The following LMF1 variants were observed in gnomAD, a reference collection of about 807,000 sequenced individuals.
The protein encoded by LMF1 is lipase maturation factor 1.
LMF1 carries 68 observed loss-of-function variants against 60.6 expected under a neutral mutation model. The ratio of observed to expected loss-of-function variants is 1.12; its 90% CI spans 0.92 to 1.37. The LOEUF (loss-of-function observed/expected upper bound fraction) is 1.37. Ranked by LOEUF, LMF1 falls within the 40% of genes most tolerant of loss-of-function variation. The probability of loss-of-function intolerance (pLI) is 0.00; values close to 1 mark genes in which losing one functional copy is unlikely to be tolerated. For synonymous variants in LMF1, 418 were observed against 324.7 expected, an observed-to-expected ratio of 1.29 and a Z score of -3.09; for missense variants, 948 against 767.2, an observed-to-expected ratio of 1.24 and a Z score of -2.78.
chr16:953,973 ATG>A lies in LMF1; in HGVS notation c.503+382_503+383del, dbSNP rs2072583965. 5.5e-5 allele frequency among the ~76,000 whole-genome samples: 2 copies of A among 36,088 alleles called. 1 individual carries two copies. The highest frequency in any genetic ancestry group is 2.0e-4 in the African/African-American group (2 of 10,248). The allele number at this position is 36,088 out of a possible 152,430, so 23.7% of individuals were successfully genotyped here. On this transcript the variant is annotated intron_variant, in intron 2 of 10. Transcript: ENST00000262301. ...CACCCACCCCAAACCAGCCTCCTAC[ATG>A]TCCACACAGACACCCCAAACCAGCC...
At chr16:943,030 A>G (rs1454941839) in intron 2 of LMF1, among the ~76,000 whole-genome samples, 1 of 152,228 alleles carries the variant, frequency 6.6e-6, no homozygotes, top group African/African-American at 2.4e-5. Context: ...TTCAGTACAG[A>G]TACTGTACTT....
In LMF1 at chr16:878,956, A is replaced by G. The variant is rs2070078592; in HGVS notation, c.897+614T>C. Among the ~76,000 whole-genome samples, 1 of 152,150 alleles carries G rather than the reference A, an allele frequency of 6.6e-6. No homozygotes were observed. The highest frequency in any genetic ancestry group is 1.9e-4 in the East Asian group (1 of 5,184). ...TCGGAATGTAGCGTTTACAGGGAAA[A>G]GCAAAGGCTCGGGACTGGCCCAGCC... On this transcript the variant is annotated intron_variant, in intron 6 of 10. Coordinates refer to ENST00000262301, the MANE Select transcript of LMF1 (RefSeq NM_022773.4). This position sits in a 1 kb window ranked among gnomAD's most constrained non-coding sequence, Gnocchi z 5.2.
At chr16:938,351 G>A (rs1421653178) in intron 2 of LMF1, among the ~76,000 whole-genome samples, 2 of 150,790 alleles carry the variant, frequency 1.3e-5, no homozygotes, top group Non-Finnish European at 3.0e-5. Context: ...CAGGGACGGG[G>A]CTGGACGGCG....
At chr16:908,692 C>T (rs930127164) in intron 4 of LMF1, among the ~76,000 whole-genome samples, 10 of 152,342 alleles carry the variant, frequency 6.6e-5, no homozygotes, top group South Asian at 2.1e-4. Context: ...CTGCAGCATG[C>T]GGGAGCGGCT....
At chr16:944,872 G>C (rs951439847) in intron 2 of LMF1, among the ~76,000 whole-genome samples, 1 of 152,042 alleles carries the variant, frequency 6.6e-6, no homozygotes, top group African/African-American at 2.4e-5. Context: ...TGATGATTAT[G>C]GGATGTACTC....
chr16:897,841 T>A lies in LMF1; in HGVS notation c.664-4769A>T, dbSNP rs1567203294. 6.6e-6 allele frequency among the ~76,000 whole-genome samples: 1 copy of A among 152,186 alleles called. No individual in the cohort carries two copies. Among genetic ancestry groups the A allele is most frequent in the African/African-American group, 2.4e-5 (1 of 41,446 alleles). On this transcript the variant is annotated intron_variant, in intron 4 of 10. Transcript: ENST00000262301. The surrounding 1 kb of genome is among the most constrained non-coding windows in gnomAD (Gnocchi z 4.3). ...CCGTGGCTTTCCTGTCTTCCTGGGA[T>A]GGTTTCCGCACTTTCTTGCCCTCAT...
At chr16:928,087 C>T (rs767851449) in intron 3 of LMF1, among the ~76,000 whole-genome samples, 2 of 152,228 alleles carry the variant, frequency 1.3e-5, no homozygotes, top group South Asian at 2.1e-4. Flanking sequence ...ACCTGGGCCG[C>T]GGCCCCACAC....
At chr16:970,111 A>C (rs2073009803) in intron 1 of LMF1, among the ~76,000 whole-genome samples, 1 of 152,216 alleles carries the variant, frequency 6.6e-6, no homozygotes, top group African/African-American at 2.4e-5. Flanking sequence ...AGCTGCCCCC[A>C]GACCTCCGCT....
chr16:929,084 G>T (rs1241541872), intron 3 of LMF1, among the ~76,000 whole-genome samples: 1 of 152,092 alleles, frequency 6.6e-6, no homozygotes, highest in Non-Finnish European at 1.5e-5. Context: ...TCCTTCCCCT[G>T]GTCACATCTC....
At chr16:891,167 C>A (rs545514300) in intron 5 of LMF1, among the ~76,000 whole-genome samples, 11 of 152,154 alleles carry the variant, frequency 7.2e-5, no homozygotes, top group Non-Finnish European at 1.5e-4. Context: ...AGCTGTGGGC[C>A]CCCCCGGCCC....
At chr16:871,851 G>GAGACAC (rs1183111115) in intron 6 of LMF1, 1 of 155,278 alleles carries the variant, frequency 6.4e-6, no homozygotes, top group South Asian at 2.0e-4. Flanking sequence ...GCAAGGAAGT[G>GAGACAC]AGACACAGGC....
chr16:866,563 C>T (rs2069615563), intron 10 of LMF1, among the ~76,000 whole-genome samples: 1 of 152,144 alleles, frequency 6.6e-6, no homozygotes, highest in African/African-American at 2.4e-5. Context: ...GGGATCCTTC[C>T]TGCCCACTTG....
chr16:871,117 CT>C, intron 7 of LMF1, 43 bp downstream of exon 7: 1 of 1,506,684 alleles, frequency 6.6e-7, no homozygotes, highest in East Asian at 2.4e-5. Flanking sequence ...CACCACCCGA[CT>C]TTCTCCTGCC....
chr16:924,945 G>A (rs1385211908), intron 3 of LMF1, among the ~76,000 whole-genome samples: 8 of 152,216 alleles, frequency 5.3e-5, no homozygotes, highest in Admixed American at 5.2e-4. Flanking sequence ...AGACCTGCTA[G>A]GGGGTGGCAA....
intron 2 of LMF1, among the ~76,000 whole-genome samples, chr16:939,620 C>T (rs565593032): frequency 6.6e-6 from 1 of 152,370 alleles, no homozygotes; most frequent in Non-Finnish European, 1.5e-5. Context: ...GGCGACCCGG[C>T]CCACTCTCCA....
At chr16:963,540 T>G (rs1476578172) in intron 1 of LMF1, among the ~76,000 whole-genome samples, 1 of 152,096 alleles carries the variant, frequency 6.6e-6, no homozygotes, top group Non-Finnish European at 1.5e-5. Flanking sequence ...GGGATGCATG[T>G]GTGTATGTCC....
chr16:885,698 C>A (rs888701107), intron 5 of LMF1, among the ~76,000 whole-genome samples: 2 of 152,164 alleles, frequency 1.3e-5, no homozygotes, highest in African/African-American at 4.8e-5. Context: ...CACGTATGTG[C>A]CTGATAATAG....
intron 4 of LMF1, 102 bp from the exon 5 acceptor site, chr16:893,174 G>A (rs1380367790): frequency 3.3e-5 from 33 of 1,012,392 alleles, no homozygotes; most frequent in Non-Finnish European, 4.5e-5. Context: ...CACGAAGGCC[G>A]TGGATCTGGG....
chr16:861,976 A>G (rs957663515), intron 10 of LMF1, among the ~76,000 whole-genome samples: 1 of 152,158 alleles, frequency 6.6e-6, no homozygotes, highest in Non-Finnish European at 1.5e-5. Context: ...TTCCAAGTTT[A>G]AATCATGAAT....
Sources: allele counts gnomAD v4.1 joint callset (sites outside exome capture counted in the v4.1 genomes callset), GRCh38; gene constraint gnomAD v4.1.1; non-coding constraint Gnocchi (gnomAD v3.1); transcripts MANE v1.5; gene names NCBI Gene and HGNC (gene_info 2026-07-23, HGNC 2026-07-21).